The following NCALD variants were observed in gnomAD, a reference collection of about 807,000 sequenced individuals.
NCALD encodes the protein neurocalcin-delta.
NCALD carries 10 observed loss-of-function variants against 18.6 expected under a neutral mutation model. That is an observed-to-expected ratio of 0.54 (90% CI 0.33 to 0.91). NCALD has a LOEUF of 0.91. Among genes scored for constraint, NCALD ranks in the 40% least tolerant of loss-of-function variants. The pLI is 0.03. For synonymous variants in NCALD, 88 were observed against 87.4 expected, an observed-to-expected ratio of 1.01 and a Z score of -0.04; for missense variants, 184 against 247.6, an observed-to-expected ratio of 0.74 and a Z score of 1.72.
At chr8:101,845,221 G>T (rs1177361186) in intron 4 of NCALD, among the ~76,000 whole-genome samples, 1 of 152,202 alleles carries the variant, frequency 6.6e-6, no homozygotes, top group East Asian at 1.9e-4. Context: ...ACTAAAGAGT[G>T]AGCCCAGTAA....
intron 2 of NCALD, among the ~76,000 whole-genome samples, chr8:101,995,702 C>T (rs1418759544): frequency 6.6e-6 from 1 of 152,200 alleles, no homozygotes; most frequent in African/African-American, 2.4e-5. Context: ...CCACCTTCAA[C>T]ACTGGGGCTT....
intron 2 of NCALD, among the ~76,000 whole-genome samples, chr8:101,705,027 G>A (rs1277317929): frequency 3.3e-5 from 5 of 151,692 alleles, no homozygotes; most frequent in East Asian, 1.9e-4. Context: ...AGTTCGAGAC[G>A]ACCAGCCTGG....
rs554677222 is a variant in NCALD at position 101,877,111 on chromosome 8, A to G, written c.-20+10030T>C. Among the ~76,000 whole-genome samples, 3 of 152,366 alleles carry G rather than the reference A, an allele frequency of 2.0e-5. No individual in the cohort carries two copies. In the East Asian group the frequency reaches 5.8e-4, roughly 29 times the overall value. ...TGAAATGTCTCCTCTCAGCTATTGT[A>G]TATGTAGCAAGTGCTAGAAACCTGT... On this transcript the variant is annotated intron_variant, in intron 4 of 6. Coordinates refer to the NCALD transcript ENST00000311028.
At chr8:101,945,839 G>A (rs1245887127) in intron 2 of NCALD, among the ~76,000 whole-genome samples, 5 of 152,160 alleles carry the variant, frequency 3.3e-5, no homozygotes. Context: ...TGAAGAGTTG[G>A]TAAACGAGGC....
intron 1 of NCALD, among the ~76,000 whole-genome samples, chr8:101,756,469 C>T (rs956067377): frequency 2.6e-5 from 4 of 152,184 alleles, no homozygotes; most frequent in Non-Finnish European, 5.9e-5. Context: ...TCAACAGCGC[C>T]ACTGTGTGGC....
intron 2 of NCALD, among the ~76,000 whole-genome samples, chr8:101,960,492 T>C (rs16868803): frequency 0.041 from 6,276 of 152,164 alleles, 311 homozygotes; most frequent in African/African-American, 0.11. Flanking sequence ...GTGTGGCTAG[T>C]GGAGGAGAAA....
chr8:102,047,200 C>T (rs1823276420), intron 1 of NCALD, among the ~76,000 whole-genome samples: 1 of 152,174 alleles, frequency 6.6e-6, no homozygotes, highest in Admixed American at 6.5e-5. Flanking sequence ...ACTGCGTTTT[C>T]TTTATCCAAT....
chr8:101,761,749 A>T (rs566201790), intron 1 of NCALD, among the ~76,000 whole-genome samples: 1 of 152,318 alleles, frequency 6.6e-6, no homozygotes, highest in East Asian at 1.9e-4. Context: ...GCACGCAGCT[A>T]CCCTACAGAC....
At chr8:102,077,351 T>C (rs1321120105) in intron 1 of NCALD, among the ~76,000 whole-genome samples, 6 of 151,944 alleles carry the variant, frequency 3.9e-5, no homozygotes, top group Non-Finnish European at 8.8e-5. Context: ...GATGGGAGCA[T>C]GGAAAGAAAC....
chr8:101,953,196 G>A (rs1053347137), intron 2 of NCALD, among the ~76,000 whole-genome samples: 16 of 149,418 alleles, frequency 1.1e-4, no homozygotes, highest in South Asian at 6.2e-4. Context: ...GCTCACCCCC[G>A]TCACCCATTT....
At chr8:101,959,767 A>G (rs142954284) in intron 2 of NCALD, among the ~76,000 whole-genome samples, 1 of 152,286 alleles carries the variant, frequency 6.6e-6, no homozygotes, top group East Asian at 1.9e-4. Context: ...TCTAAAGATC[A>G]CTAGTTTCTT....
intron 1 of NCALD, among the ~76,000 whole-genome samples, chr8:101,734,361 G>A (rs1244834749): frequency 2.0e-5 from 3 of 152,112 alleles, no homozygotes; most frequent in Non-Finnish European, 2.9e-5. Context: ...CACATCTTGT[G>A]CTTAGGAAAA....
chr8:101,877,154 A>T (rs967053823), intron 4 of NCALD, among the ~76,000 whole-genome samples: 37 of 152,264 alleles, frequency 2.4e-4, no homozygotes, highest in Admixed American at 2.4e-3. Context: ...AAACACAGTT[A>T]AAGATTTGAA....
intron 1 of NCALD, chr8:101,750,236 C>T (rs1810598595): frequency 6.6e-6 from 1 of 151,922 alleles, no homozygotes; most frequent in Admixed American, 6.6e-5. Flanking sequence ...CCCCCCATGA[C>T]ACGTAGGGAT....
chr8:102,001,176 C>T (rs1236617426), intron 2 of NCALD, among the ~76,000 whole-genome samples: 1 of 152,082 alleles, frequency 6.6e-6, no homozygotes, highest in Non-Finnish European at 1.5e-5. Flanking sequence ...CAGAGAAGTC[C>T]TTAAAGGACC....
In NCALD at chr8:101,692,097, T is replaced by C. The variant is rs559190031; in HGVS notation, c.484+694A>G. 7.2e-5 allele frequency: 70 copies of C among 973,572 alleles called. 2 individuals carry two copies. The South Asian group carries it at 3.2e-3, about 44-fold the overall frequency. The allele number at this position is 973,572 out of a possible 1,614,324, so 60.3% of individuals were successfully genotyped here. A position where few individuals can be genotyped will look rare whatever the true frequency, so the allele number is the denominator to read the frequency against. Reference sequence around the variant, plus strand: ...TTAGGCTAATCCTAACAACTGTTGCTGTTTATCTGAAATTCCAGGATAATT... The same window carrying C: ...TTAGGCTAATCCTAACAACTGTTGCCGTTTATCTGAAATTCCAGGATAATT... On this transcript the variant is annotated intron_variant, in intron 3 of 3. Transcript: ENST00000220931.
intron 4 of NCALD, among the ~76,000 whole-genome samples, chr8:101,861,715 A>G (rs1326703394): frequency 6.6e-6 from 1 of 152,140 alleles, no homozygotes; most frequent in African/African-American, 2.4e-5. Context: ...TTAGGTTTCT[A>G]TTGTGTTCTC....
chr8:101,897,991 G>C (rs1259997546), intron 3 of NCALD, among the ~76,000 whole-genome samples: 2 of 152,144 alleles, frequency 1.3e-5, no homozygotes, highest in Non-Finnish European at 2.9e-5. Context: ...TGATGGTTTT[G>C]TCAGGGGCTT....
intron 2 of NCALD, among the ~76,000 whole-genome samples, chr8:101,988,154 C>CAA (rs141735735): frequency 1.1e-3 from 40 of 36,790 alleles, no homozygotes; most frequent in African/African-American, 2.8e-3. Context: ...GACTCCGTCT[C>CAA]AAAAAAAAAA....
Sources: gnomAD v4.1 joint callset for allele counts (sites outside exome capture counted in the v4.1 genomes callset) on GRCh38, gnomAD v4.1.1 for gene constraint, MANE v1.5 for transcripts, NCBI Gene and HGNC (gene_info 2026-07-23, HGNC 2026-07-21) for gene names.